Variants in GLIS3 observed in about 807,000 individuals in gnomAD.
GLIS3 encodes the protein GLIS family zinc finger 3.
Under a neutral mutation model 78.6 loss-of-function variants are expected in GLIS3, and 53 were observed. That is an observed-to-expected ratio of 0.67 (90% CI 0.54 to 0.85). GLIS3 has a LOEUF of 0.85. Ranked by LOEUF, GLIS3 falls within the 40% of genes least tolerant of loss-of-function variation. The pLI, the probability that GLIS3 is intolerant of heterozygous loss-of-function variation, is 0.00. For missense variants in GLIS3, 1,703 were observed against 1,231.1 expected (o/e 1.38, Z -5.74); for synonymous variants, 684 against 509.9 (o/e 1.34, Z -4.60).
intron 2 of GLIS3, among the ~76,000 whole-genome samples, chr9:4,321,461 A>AAAAAAAAAAAAAAAAAAT (rs1563932116): frequency 7.1e-6 from 1 of 140,920 alleles, no homozygotes; most frequent in African/African-American, 2.7e-5. Flanking sequence ...AAAAAAAAAA[A>AAAAAAAAAAAAAAAAAAT]AATCAGGTGC....
chr9:4,208,454 A>C (rs904914406), intron 2 of GLIS3, among the ~76,000 whole-genome samples: 1 of 152,202 alleles, frequency 6.6e-6, no homozygotes, highest in Non-Finnish European at 1.5e-5. Flanking sequence ...GGTCTTAAGA[A>C]TATAAAGTCA....
chr9:4,323,853 G>C (rs1222164634), intron 2 of GLIS3, among the ~76,000 whole-genome samples: 1 of 152,192 alleles, frequency 6.6e-6, no homozygotes, highest in African/African-American at 2.4e-5. Flanking sequence ...ATCATGAAAA[G>C]AAGCATTTAT....
rs61484554 is a variant in GLIS3 at position 4,019,719 on chromosome 9, ATTTTAT to A, written c.1711-82536_1711-82531del. On this transcript the variant is annotated intron_variant, in intron 4 of 10. Coordinates refer to ENST00000381971, the MANE Select transcript of GLIS3 (RefSeq NM_001042413.2). Reference sequence around the variant, plus strand: ...GACTCATGGGAAGATGCCAGCTGCAATTTTATTTTTATTTTTATTTATTTACTTTTA... The same window carrying A: ...GACTCATGGGAAGATGCCAGCTGCAATTTTATTTTTATTTATTTACTTTTA... 1.3e-3 allele frequency among the ~76,000 whole-genome samples: 194 copies of A among 152,194 alleles called. 1 individual carries two copies. The highest frequency in any genetic ancestry group is 4.4e-3 in the African/African-American group (182 of 41,524).
chr9:4,293,253 T>C (rs1250090096), intron 1 of GLIS3, among the ~76,000 whole-genome samples: 1 of 152,244 alleles, frequency 6.6e-6, no homozygotes, highest in Non-Finnish European at 1.5e-5. Context: ...TGGAAGATTC[T>C]AGAAATAAAA....
intron 7 of GLIS3, among the ~76,000 whole-genome samples, chr9:3,882,069 G>A (rs960278222): frequency 5.3e-5 from 8 of 152,048 alleles, no homozygotes; most frequent in Admixed American, 1.3e-4. Flanking sequence ...TTCTCTTAGC[G>A]GGCAATTATT....
chr9:4,247,267 T>C (rs1254385442), intron 2 of GLIS3, among the ~76,000 whole-genome samples: 1 of 152,202 alleles, frequency 6.6e-6, no homozygotes, highest in African/African-American at 2.4e-5. Context: ...TAAGGGGATA[T>C]AGCCTTAAAG....
At chr9:4,314,838 T>C (rs1353610196) in intron 2 of GLIS3, among the ~76,000 whole-genome samples, 1 of 152,196 alleles carries the variant, frequency 6.6e-6, no homozygotes, top group Non-Finnish European at 1.5e-5. Flanking sequence ...GATGAACCAA[T>C]CTGCAAAAGG....
chr9:3,828,275 G>C lies in GLIS3; in HGVS notation c.2790C>G (p.Gly930=), dbSNP rs752421628. 2 of 1,614,108 alleles carry C rather than the reference G, an allele frequency of 1.2e-6. No individual in the cohort carries two copies. Among genetic ancestry groups the C allele is most frequent in the South Asian group, 1.1e-5 (1 of 91,082 alleles). Residue 930 remains glycine, a synonymous_variant, in exon 11 of 11, where the codon GGC becomes GGG. Transcript: ENST00000381971. ...GCAGGAGTGGCCAAGAGAGCTTTTA[G>C]CCTTCGGTGTAGACAGAGGAGAGCT... ...PSQLSSVYTE[G]
the GLIS3 span, among the ~76,000 whole-genome samples, chr9:4,452,609 C>A: frequency 6.6e-6 from 1 of 152,252 alleles, no homozygotes; most frequent in Admixed American, 6.5e-5. Context: ...ATCCAACTTA[C>A]AAGGGATGTG....
intron 4 of GLIS3, among the ~76,000 whole-genome samples, chr9:4,015,888 C>CA (rs1049791263): frequency 0.15 from 4,461 of 30,328 alleles, 569 homozygotes; most frequent in African/African-American, 0.32. Flanking sequence ...GACTCTGTCT[C>CA]AAAAAAAAAA....
chr9:4,286,104 C>T lies in GLIS3; in HGVS notation c.322G>A (p.Gly108Arg). ...TGCTTTGGCTTTAAAGTATGTGACCCTGACATGCCTCCAGCCTGGGTGACC... is the reference window on the plus strand; with the variant it reads ...TGCTTTGGCTTTAAAGTATGTGACCTTGACATGCCTCCAGCCTGGGTGACC... ...FQVTQAGGMS[G>R]SHTLKPKQQE... The change falls in exon 2 of 11, where the codon GGG becomes AGG. Residue 108 changes from glycine to arginine, a missense_variant. Gly to Arg is a moderately radical substitution (Grantham distance 125, BLOSUM62 -2). Transcript: ENST00000381971. 1 of 1,613,454 alleles carries T rather than the reference C, an allele frequency of 6.2e-7. No homozygotes were observed.
rs996440884 is a variant in GLIS3, at chr9:4,299,740, C to A, written c.-418G>T. 2.0e-5 allele frequency: 3 copies of A among 152,352 alleles called. No homozygotes were observed. The highest frequency in any genetic ancestry group is 2.9e-5 in the Non-Finnish European group (2 of 68,116). The allele number at this position is 152,352 out of a possible 1,614,324, so 9.4% of individuals were successfully genotyped here. On this transcript the variant is annotated 5_prime_UTR_variant, in exon 1 of 11. Coordinates refer to ENST00000381971, the MANE Select transcript of GLIS3 (RefSeq NM_001042413.2). ...CTCCCCTGCTACACACATACACACACAAATAATGTTTCTAAAAAGTTCAGT... is the reference window on the plus strand; with the variant it reads ...CTCCCCTGCTACACACATACACACAAAAATAATGTTTCTAAAAAGTTCAGT...
At chr9:3,971,097 TCGAAGGAAGGAAGGAAG>T (rs879687915) in intron 4 of GLIS3, among the ~76,000 whole-genome samples, 68,571 of 148,978 alleles carry the variant, frequency 0.46, 15,889 homozygotes, top group East Asian at 0.49. Context: ...GAAGGATAGA[TCGAAGGAAGGAAGGAAG>T]GATCGAAGGA....
At chr9:4,220,645 C>T (rs574997914) in intron 2 of GLIS3, among the ~76,000 whole-genome samples, 3 of 151,900 alleles carry the variant, frequency 2.0e-5, no homozygotes, top group Admixed American at 6.6e-5. Flanking sequence ...GGAGTCCCAG[C>T]GACTCAGGAG....
chr9:3,887,190 G>GAT (rs1822138172), intron 7 of GLIS3, among the ~76,000 whole-genome samples: 1 of 152,106 alleles, frequency 6.6e-6, no homozygotes, highest in South Asian at 2.1e-4. Context: ...AGAGGATAAT[G>GAT]AAACAATCCC....
intron 2 of GLIS3, among the ~76,000 whole-genome samples, chr9:4,268,294 A>C (rs1826200189): frequency 1.3e-5 from 2 of 152,210 alleles, no homozygotes; most frequent in Admixed American, 6.5e-5. Context: ...TAAATGAGAT[A>C]ATCTCTCATT....
chr9:3,950,657 TTA>T (rs1176612857), intron 4 of GLIS3, among the ~76,000 whole-genome samples: 3 of 152,240 alleles, frequency 2.0e-5, no homozygotes, highest in African/African-American at 7.2e-5. Context: ...GTCCCAGTGG[TTA>T]TGTTTAGTCT....
chr9:4,017,289 T>G (rs936942845), intron 4 of GLIS3, among the ~76,000 whole-genome samples: 2 of 152,194 alleles, frequency 1.3e-5, no homozygotes, highest in African/African-American at 4.8e-5. Flanking sequence ...TAACTGTTCA[T>G]TGACTAGTCT....
At chr9:4,413,653 AC>A in the GLIS3 span, among the ~76,000 whole-genome samples, 1 of 152,024 alleles carries the variant, frequency 6.6e-6, no homozygotes, top group Non-Finnish European at 1.5e-5. Context: ...TTAGGAGGGA[AC>A]CCTAGTAGCA....
Sources: gnomAD v4.1 joint callset for allele counts (sites outside exome capture counted in the v4.1 genomes callset) on GRCh38, gnomAD v4.1.1 for gene constraint, MANE v1.5 for transcripts, NCBI Gene and HGNC (gene_info 2026-07-23, HGNC 2026-07-21) for gene names.